SDK2: variants seen among roughly 807,000 people sequenced by gnomAD.
SDK2 encodes protein sidekick-2.
SDK2 carries 105 observed loss-of-function variants against 253.9 expected under a neutral mutation model. The ratio of observed to expected loss-of-function variants is 0.41; its 90% CI spans 0.35 to 0.49. The LOEUF (loss-of-function observed/expected upper bound fraction) is 0.49, where lower values mean the gene tolerates loss of function less well. Among genes scored for constraint, SDK2 ranks in the 20% least tolerant of loss-of-function variants. SDK2 has a pLI of 0.06. For synonymous variants in SDK2, 1,249 were observed against 1,234.9 expected (o/e 1.01, Z -0.24); for missense variants, 2,608 against 3,003.0 (o/e 0.87, Z 3.07).
At position 73,472,217 on chromosome 17, in the gene SDK2, A is replaced by G. The variant is rs117687984; in HGVS notation, c.226T>C (p.Tyr76His). 0.011 allele frequency: 17,012 copies of G among 1,550,964 alleles called. 136 individuals are homozygous for G. Among genetic ancestry groups the G allele is most frequent in the Non-Finnish European group, 0.014 (15,629 of 1,146,306 alleles). The change falls in exon 3 of 45, where the codon TAC becomes CAC. Residue 76 changes from tyrosine (Y) to histidine (H), a missense_variant and splice_region_variant. Physicochemically the swap from Tyr to His is moderately conservative, Grantham distance 83 (BLOSUM62 2). Transcript: ENST00000392650. ...ELTKFSLEYRYMITSLDRTHA... is the reference protein window; with the variant it reads ...ELTKFSLEYRHMITSLDRTHA... The stretch of plus-strand genomic sequence containing the variant: ...GTGCGGTCCAGGCTGGTGATCATGT[A>G]TCTATGGGACAGACGAGACAGCCAG...
At chr17:73,583,706 T>C (rs193259151) in intron 1 of SDK2, among the ~76,000 whole-genome samples, 291 of 96,638 alleles carry the variant, frequency 3.0e-3, no homozygotes, top group African/African-American at 0.014. Flanking sequence ...CCAAGAGTGC[T>C]TCAGGCTCAG....
At chr17:73,502,815 C>T (rs2063900822) in intron 2 of SDK2, among the ~76,000 whole-genome samples, 1 of 152,196 alleles carries the variant, frequency 6.6e-6, no homozygotes, top group Non-Finnish European at 1.5e-5. Flanking sequence ...CCCAAGTTAT[C>T]CCTCTATAGT....
Position 73,350,494 on chromosome 17 carries a change from G to C in SDK2, c.5900-119C>G, listed in dbSNP as rs186667264. The C allele has an allele frequency of 5.0e-4, 727 of 1,440,992 alleles. 2 individuals carry two copies. In the African/African-American group the frequency reaches 9.4e-3, roughly 19 times the overall value. 89.3% of individuals were successfully genotyped at this position (1,440,992 alleles called of 1,614,324 possible). A position where few individuals can be genotyped will look rare whatever the true frequency, so the allele number is the denominator to read the frequency against. ...TGGTAGAGTTGAGACCAAAATAAGA[G>C]ATTGAGATTGTGTGTAGAAACCCTA... On this transcript the variant is annotated intron_variant, in intron 42 of 44. Transcript: ENST00000392650.
At chr17:73,369,771 C>T (rs1056961358) in intron 36 of SDK2, among the ~76,000 whole-genome samples, 3 of 152,116 alleles carry the variant, frequency 2.0e-5, no homozygotes, top group Non-Finnish European at 4.4e-5. Flanking sequence ...CTCAGCCTCC[C>T]GAGTAGCTGG....
chr17:73,339,527 T>C (rs370065574), intron 44 of SDK2, among the ~76,000 whole-genome samples: 2 of 18,388 alleles, frequency 1.1e-4, no homozygotes, highest in Non-Finnish European at 4.2e-4. Context: ...TGGCAAATTT[T>C]ATTTTCTTTC....
rs1026725140 is a variant in SDK2, at chr17:73,465,508, C to A, written c.331+6604G>T. Among the ~76,000 whole-genome samples the A allele has an allele frequency of 1.7e-4, 26 of 152,028 alleles. No individual in the cohort carries two copies. Among genetic ancestry groups the A allele is most frequent in the Non-Finnish European group, 3.8e-4 (26 of 68,008 alleles). Reference sequence around the variant, plus strand: ...TGCCACCTCCGGAAGGCTCTCCCAACCCTCTTAGCCATTCATCCCACATGC... The same window carrying A: ...TGCCACCTCCGGAAGGCTCTCCCAAACCTCTTAGCCATTCATCCCACATGC... On this transcript the variant is annotated intron_variant, in intron 3 of 44. Coordinates refer to ENST00000392650, the MANE Select transcript of SDK2 (RefSeq NM_001144952.2). The surrounding 1 kb of genome is among the most constrained non-coding windows in gnomAD (Gnocchi z 4.2).
rs556642966 is a variant in SDK2 at position 73,560,592 on chromosome 17, G to A, written c.65-52995C>T. On this transcript the variant is annotated intron_variant, in intron 1 of 44. Coordinates refer to ENST00000392650, the MANE Select transcript of SDK2 (RefSeq NM_001144952.2). Reference sequence around the variant, plus strand: ...TGACCTCAAGTGATCCGCCTGCCTCGGCCTCCCAAAGTGCTGGGATTACAG... The same window carrying A: ...TGACCTCAAGTGATCCGCCTGCCTCAGCCTCCCAAAGTGCTGGGATTACAG... Among the ~76,000 whole-genome samples the A allele has an allele frequency of 1.6e-4, 25 of 152,304 alleles. No individual in the cohort carries two copies. The South Asian group carries it at 5.0e-3, about 30-fold the overall frequency.
chr17:73,376,726 C>G (rs1374504783), intron 36 of SDK2, among the ~76,000 whole-genome samples: 1 of 152,206 alleles, frequency 6.6e-6, no homozygotes, highest in Non-Finnish European at 1.5e-5. Context: ...GCTGCTGGCG[C>G]TGCCCTGGCC....
chr17:73,532,374 C>A (rs2064176370), intron 1 of SDK2, among the ~76,000 whole-genome samples: 1 of 152,188 alleles, frequency 6.6e-6, no homozygotes, highest in Non-Finnish European at 1.5e-5. Flanking sequence ...GAGTGAACAT[C>A]CCCACACTCC....
At chr17:73,389,397 C>T (rs187081366) in intron 29 of SDK2, among the ~76,000 whole-genome samples, 22 of 152,100 alleles carry the variant, frequency 1.4e-4, no homozygotes, top group South Asian at 4.2e-4. Flanking sequence ...TTGGCCAGGA[C>T]GGCCTTGAAC....
At chr17:73,533,798 C>A (rs963202154) in intron 1 of SDK2, among the ~76,000 whole-genome samples, 1 of 152,028 alleles carries the variant, frequency 6.6e-6, no homozygotes, top group Non-Finnish European at 1.5e-5. Flanking sequence ...CTTCAGCCTG[C>A]CCTCCAGCTC....
intron 22 of SDK2, 65 bp from the exon 23 acceptor site, chr17:73,398,494 C>T: frequency 7.3e-7 from 1 of 1,370,924 alleles, no homozygotes; most frequent in Non-Finnish European, 1.0e-6. Context: ...CTCCGAGCCC[C>T]AGTACAAGCC....
rs547974506 is a variant in SDK2, at chr17:73,578,267, G to A, written c.64+65758C>T. Reference sequence around the variant, plus strand: ...TTTAGTAGAGATGGGGTTTCACCATGTTGGGCAGACTGGTCTCAAACTCCT... The same window carrying A: ...TTTAGTAGAGATGGGGTTTCACCATATTGGGCAGACTGGTCTCAAACTCCT... On this transcript the variant is annotated intron_variant, in intron 1 of 44. Transcript: ENST00000392650. Among the ~76,000 whole-genome samples, 26 of 152,204 alleles carry A rather than the reference G, an allele frequency of 1.7e-4. No homozygotes were observed. The South Asian group carries it at 4.6e-3, about 27-fold the overall frequency.
chr17:73,418,310 A>G (rs183028343), intron 16 of SDK2, among the ~76,000 whole-genome samples: 1 of 152,278 alleles, frequency 6.6e-6, no homozygotes, highest in African/African-American at 2.4e-5. Flanking sequence ...CCGGCCTGAA[A>G]GATTTTTTTA....
chr17:73,398,116 G>T lies in SDK2; in HGVS notation c.3273C>A (p.Thr1091=), dbSNP rs753552394. The change falls in exon 24 of 45, where the codon ACC becomes ACA. Residue 1091 remains threonine, a synonymous_variant. Transcript: ENST00000392650. ...PPSQPSRKIQ[T]LQAPPDMAPA... ...GGGCCATGTCAGGGGGTGCCTGCAG[G>T]GTCTGGATCTTTCTAGAAGGCTGAC... The T allele has an allele frequency of 6.8e-6, 11 of 1,613,800 alleles. No individual in the cohort carries two copies. Among genetic ancestry groups the T allele is most frequent in the South Asian group, 2.2e-5 (2 of 91,074 alleles).
intron 1 of SDK2, among the ~76,000 whole-genome samples, chr17:73,575,471 C>A (rs141484956): frequency 6.8e-4 from 103 of 152,300 alleles, no homozygotes; most frequent in African/African-American, 2.2e-3. Flanking sequence ...GCAATGTGGA[C>A]GAGAGCTTGG....
intron 1 of SDK2, among the ~76,000 whole-genome samples, chr17:73,600,608 C>T (rs547400628): frequency 1.3e-4 from 20 of 152,178 alleles, no homozygotes; most frequent in African/African-American, 4.1e-4. Context: ...GGGGAGAGGC[C>T]GACAAGAGCC....
At chr17:73,464,569 T>G (rs540764594) in intron 3 of SDK2, among the ~76,000 whole-genome samples, 1 of 152,198 alleles carries the variant, frequency 6.6e-6, no homozygotes, top group African/African-American at 2.4e-5. Context: ...CCAAGTTCTC[T>G]CCTTCCAGCC....
At chr17:73,457,074 G>A (rs2063530793) in intron 3 of SDK2, among the ~76,000 whole-genome samples, 1 of 152,170 alleles carries the variant, frequency 6.6e-6, no homozygotes, top group African/African-American at 2.4e-5. Flanking sequence ...ACTGTGAGGA[G>A]CATATTATTT....
Sources: gnomAD v4.1 joint callset for allele counts (sites outside exome capture counted in the v4.1 genomes callset) on GRCh38, gnomAD v4.1.1 for gene constraint, Gnocchi (gnomAD v3.1) non-coding constraint, MANE v1.5 for transcripts, NCBI Gene and HGNC (gene_info 2026-07-23, HGNC 2026-07-21) for gene names.